The following ETFDH variants were observed in gnomAD, a reference collection of about 807,000 sequenced individuals.
ETFDH encodes the protein electron transfer flavoprotein dehydrogenase.
In ETFDH, 61 loss-of-function variants were observed where a neutral mutation model predicts 73.2. The observed-to-expected ratio is 0.83, with a 90% confidence interval of 0.68 to 1.03. ETFDH has a LOEUF of 1.03. Ranked by LOEUF, ETFDH falls within the 50% of genes least tolerant of loss-of-function variation. The pLI is 0.00. For synonymous variants in ETFDH, 243 were observed against 253.3 expected, an observed-to-expected ratio of 0.96 and a Z score of 0.39; for missense variants, 685 against 745.0, an observed-to-expected ratio of 0.92 and a Z score of 0.94.
At chr4:158,708,291 C>CTTAAT in intron 12 of ETFDH, 73 bp from the exon 13 acceptor site, 2 of 1,175,668 alleles carry the variant, frequency 1.7e-6, no homozygotes, top group Non-Finnish European at 2.5e-6. Context: ...CTACTCTTTC[C>CTTAAT]TTAATTTTTA....
At chr4:158,705,342 G>T (rs997043419) in intron 10 of ETFDH, among the ~76,000 whole-genome samples, 1 of 152,148 alleles carries the variant, frequency 6.6e-6, no homozygotes, top group Non-Finnish European at 1.5e-5. Flanking sequence ...GAAATTACAG[G>T]CTAGAGCCAC....
intron 1 of ETFDH, among the ~76,000 whole-genome samples, chr4:158,678,538 G>A (rs1009894021): frequency 1.3e-5 from 2 of 151,926 alleles, no homozygotes; most frequent in African/African-American, 4.8e-5. Flanking sequence ...TTTCTCTACT[G>A]TAAAGTTAAC....
Position 158,697,547 on chromosome 4 carries a change from T to A in ETFDH, c.832-12T>A. On this transcript the variant is annotated splice_polypyrimidine_tract_variant and intron_variant, in intron 7 of 12. Coordinates refer to ENST00000511912, the MANE Select transcript of ETFDH (RefSeq NM_004453.4). ...ACTGCAGGACTTTTTTGTTTGCTTT[T>A]TTTTTTTTTAGTTATGGGTTATTGA... The A allele has an allele frequency of 6.2e-7, 1 of 1,606,544 alleles. No homozygotes were observed.
At chr4:158,688,131 T>C (rs572802546) in intron 5 of ETFDH, among the ~76,000 whole-genome samples, 27 of 152,158 alleles carry the variant, frequency 1.8e-4, no homozygotes, top group African/African-American at 5.1e-4. Flanking sequence ...CAGTGACTCA[T>C]GCCTGTTATC....
At chr4:158,688,427 T>G (rs1774067444) in intron 5 of ETFDH, among the ~76,000 whole-genome samples, 2 of 145,518 alleles carry the variant, frequency 1.4e-5, no homozygotes, top group Admixed American at 6.9e-5. Context: ...GGCTCACACC[T>G]GTAATCCCAG....
At chr4:158,686,474 C>T (rs1018576052) in intron 5 of ETFDH, among the ~76,000 whole-genome samples, 6 of 152,160 alleles carry the variant, frequency 3.9e-5, no homozygotes, top group Non-Finnish European at 5.9e-5. Context: ...TATGATCTAA[C>T]GGTAGTAGAC....
chr4:158,693,909 A>G lies in ETFDH; in HGVS notation c.685-1588A>G, dbSNP rs868080229. Among the ~76,000 whole-genome samples the G allele has an allele frequency of 7.9e-5, 12 of 152,340 alleles. 1 individual carries two copies. In the East Asian group the frequency reaches 1.7e-3, roughly 22 times the overall value. On this transcript the variant is annotated intron_variant, in intron 6 of 12. Coordinates refer to ENST00000511912, the MANE Select transcript of ETFDH (RefSeq NM_004453.4). ...ATGGGTAGAGTCTAAAAAATTAACA[A>G]TTCGTAGAAGAACAACTCCAATGAC...
In ETFDH at chr4:158,680,644, C is replaced by A. The variant is rs748975378; in HGVS notation, c.175+37C>A. On this transcript the variant is annotated intron_variant, in intron 2 of 12. Transcript: ENST00000511912. ...TTTGTGTACAATTCCTGAGACTTTT[C>A]TGGATACTTTGTTTTCATTTTGTGG... is the stretch of plus-strand genomic sequence containing the variant. The A allele has an allele frequency of 1.5e-5, 23 of 1,552,806 alleles. No homozygotes were observed. In the East Asian group the frequency reaches 5.2e-4, roughly 35 times the overall value.
intron 1 of ETFDH, among the ~76,000 whole-genome samples, chr4:158,678,099 A>T (rs1045049307): frequency 3.9e-5 from 6 of 152,236 alleles, no homozygotes; most frequent in Admixed American, 1.3e-4. Context: ...GCGGAGCTTC[A>T]TGTCTTATGT....
intron 5 of ETFDH, among the ~76,000 whole-genome samples, chr4:158,688,609 C>T (rs544966991): frequency 7.6e-4 from 115 of 151,056 alleles, no homozygotes; most frequent in African/African-American, 2.6e-3. Flanking sequence ...GGAGGCAGAG[C>T]TTGCAGTAAG....
intron 6 of ETFDH, among the ~76,000 whole-genome samples, chr4:158,695,056 G>A (rs4336179): frequency 0.95 from 145,034 of 152,310 alleles, 69,412 homozygotes; most frequent in East Asian, 1. Context: ...TTAAAAATAA[G>A]TCCTTGTATA....
chr4:158,683,901 C>T (rs1053123667), intron 3 of ETFDH, among the ~76,000 whole-genome samples: 12 of 152,098 alleles, frequency 7.9e-5, no homozygotes, highest in Admixed American at 5.9e-4. Flanking sequence ...AGTGTAACAA[C>T]ATGTTAATTC....
chr4:158,674,532 C>A (rs141725663), intron 1 of ETFDH, among the ~76,000 whole-genome samples: 1,766 of 152,228 alleles, frequency 0.012, 25 homozygotes, highest in African/African-American at 0.038. Flanking sequence ...AACTCCTGGC[C>A]TCAAGTGATC....
rs140184655 is a variant in ETFDH, at chr4:158,706,791, T to C, written c.1631T>C (p.Ile544Thr). The C allele has an allele frequency of 8.1e-6, 13 of 1,614,038 alleles. No individual in the cohort carries two copies. The highest frequency in any genetic ancestry group is 5.0e-5 in the Admixed American group (3 of 60,022). Residue 544 changes from isoleucine (I) to threonine (T), a missense_variant, in exon 12 of 13, where the codon ATA becomes ACA. Transcript: ENST00000511912. Reference sequence around the variant, plus strand: ...CACTTAACCTTAAGGGATGACAGTATACCTGTAAATAGAAATCTGTCGATA... The same window carrying C: ...CACTTAACCTTAAGGGATGACAGTACACCTGTAAATAGAAATCTGTCGATA... ...PAHLTLRDDSIPVNRNLSIYD... is the reference protein window; with the variant it reads ...PAHLTLRDDSTPVNRNLSIYD...
At chr4:158,694,453 G>T (rs1561245076) in intron 6 of ETFDH, among the ~76,000 whole-genome samples, 1 of 152,016 alleles carries the variant, frequency 6.6e-6, no homozygotes, top group African/African-American at 2.4e-5. Flanking sequence ...AGTTAGCTGG[G>T]CTTGGTGGCG....
intron 2 of ETFDH, among the ~76,000 whole-genome samples, chr4:158,681,066 TTAACTG>T (rs1773847187): frequency 6.6e-6 from 1 of 152,184 alleles, no homozygotes; most frequent in Non-Finnish European, 1.5e-5. Context: ...TTTTAAAAAG[TTAACTG>T]TAAAACAGAC....
intron 1 of ETFDH, among the ~76,000 whole-genome samples, chr4:158,674,260 G>T (rs1357831470): frequency 2.0e-5 from 3 of 151,926 alleles, no homozygotes; most frequent in Non-Finnish European, 4.4e-5. Context: ...TTGAGGATAG[G>T]TGAATAGTTA....
chr4:158,683,575 T>G (rs980466987), intron 3 of ETFDH, among the ~76,000 whole-genome samples: 2 of 152,212 alleles, frequency 1.3e-5, no homozygotes, highest in Non-Finnish European at 2.9e-5. Context: ...TAAAGCCCTT[T>G]ATTGCTTTGG....
At chr4:158,684,047 A>G (rs1414285608) in intron 3 of ETFDH, among the ~76,000 whole-genome samples, 1 of 152,182 alleles carries the variant, frequency 6.6e-6, no homozygotes, top group East Asian at 1.9e-4. Context: ...GGTGTTTCCA[A>G]GACTCCCAAG....
Sources: allele counts gnomAD v4.1 joint callset (sites outside exome capture counted in the v4.1 genomes callset), GRCh38; gene constraint gnomAD v4.1.1; transcripts MANE v1.5; gene names NCBI Gene and HGNC (gene_info 2026-07-23, HGNC 2026-07-21).